The following DISP2 variants were observed in gnomAD, a reference collection of about 807,000 sequenced individuals.
DISP2 encodes dispatched RND transporter family member 2, also known as protein dispatched homolog 2.
In DISP2, 59 loss-of-function variants were observed where a neutral mutation model predicts 95.5. The observed-to-expected ratio is 0.62, with a 90% confidence interval of 0.50 to 0.77. DISP2 has a LOEUF of 0.77. Among genes scored for constraint, DISP2 ranks in the 30% least tolerant of loss-of-function variants. DISP2 has a pLI of 0.00. For synonymous variants in DISP2, 827 were observed against 815.0 expected (o/e 1.01, Z -0.25); for missense variants, 1,752 against 1,854.6 (o/e 0.94, Z 1.02).
Position 40,369,593 on chromosome 15 carries a change from G to T in DISP2, c.3481G>T (p.Glu1161Ter). The part of the protein sequence containing the change: ...SVGGMPGSCS[E>*]QYELQPLARR... ...GGGAGGGATGCCCGGGTCCTGCTCAGAGCAATATGAGCTACAGCCCCTGGC... is the reference window on the plus strand; with the variant it reads ...GGGAGGGATGCCCGGGTCCTGCTCATAGCAATATGAGCTACAGCCCCTGGC... Residue 1161 changes from glutamate (E) to a stop codon, truncating the protein, a stop_gained, in exon 8 of 8, where the codon GAG (glutamate) becomes TAG (stop). Transcript: ENST00000267889. LOFTEE classifies it high-confidence loss of function. 1 of 1,611,632 alleles carries T rather than the reference G, an allele frequency of 6.2e-7. No individual in the cohort carries two copies.
At position 40,369,178 on chromosome 15, in the gene DISP2, C is replaced by T. The variant is rs368572092; in HGVS notation, c.3066C>T (p.Leu1022=). The T allele has an allele frequency of 7.2e-5, 116 of 1,613,852 alleles. No individual in the cohort carries two copies. Among genetic ancestry groups the T allele is most frequent in the Non-Finnish European group, 9.1e-5 (107 of 1,180,046 alleles). The change falls in exon 8 of 8, where the codon CTC becomes CTT. Residue 1022 remains leucine, a synonymous_variant. Coordinates refer to ENST00000267889, the MANE Select transcript of DISP2 (RefSeq NM_033510.3). ...TCAACACTGCCGAGGCCCTGTTTCT[C>T]TCTGCCTCAGTGGGCCTCTCAGTAG... ...WQLNTAEALF[L]SASVGLSVDF...
At chr15:40,364,768 G>T (rs1889469123) in intron 4 of DISP2, 70 bp from the exon 5 acceptor site, 16 of 1,503,726 alleles carry the variant, frequency 1.1e-5, no homozygotes, top group Non-Finnish European at 1.3e-5. Flanking sequence ...CAAAGGGGCA[G>T]AGCTGAGAAG....
At chr15:40,364,618 G>A (rs1889466488) in intron 4 of DISP2, 74 bp downstream of exon 4, 7 of 1,574,592 alleles carry the variant, frequency 4.4e-6, no homozygotes, top group Non-Finnish European at 6.0e-6. Context: ...AAAGTTGGAG[G>A]TAGGGTAGCC....
intron 1 of DISP2, among the ~76,000 whole-genome samples, chr15:40,363,218 A>G (rs1413737042): frequency 6.6e-6 from 1 of 151,468 alleles, no homozygotes; most frequent in East Asian, 1.9e-4. Flanking sequence ...AGGCTGAGGC[A>G]GGAGAATGGC....
chr15:40,363,995 A>C (rs934791433), intron 2 of DISP2, 41 bp downstream of exon 2: 1 of 1,512,394 alleles, frequency 6.6e-7, no homozygotes, highest in African/African-American at 1.4e-5. Flanking sequence ...CCACTGGAAA[A>C]TGCGGTGGGG....
At chr15:40,359,928 T>G (rs1595723274) in intron 1 of DISP2, among the ~76,000 whole-genome samples, 1 of 152,382 alleles carries the variant, frequency 6.6e-6, no homozygotes, top group African/African-American at 2.4e-5. Flanking sequence ...TACCTTTTTA[T>G]TTTCCTAGTG....
intron 1 of DISP2, 58 bp from the exon 2 acceptor site, chr15:40,363,567 C>A: frequency 8.2e-7 from 1 of 1,221,184 alleles, no homozygotes; most frequent in Non-Finnish European, 1.1e-6. Flanking sequence ...AATGCTGGGG[C>A]ATGGGGTGGC....
intron 1 of DISP2, among the ~76,000 whole-genome samples, chr15:40,360,286 G>T (rs1889386941): frequency 6.6e-6 from 1 of 152,342 alleles, no homozygotes; most frequent in East Asian, 1.9e-4. Flanking sequence ...TAGCCCTGGG[G>T]TGCTTAACTC....
chr15:40,361,820 G>T (rs1889410573), intron 1 of DISP2, among the ~76,000 whole-genome samples: 3 of 152,254 alleles, frequency 2.0e-5, no homozygotes, highest in African/African-American at 7.2e-5. Context: ...AGCCAGGGTT[G>T]GCTCCGCATA....
rs749610626 is a variant in DISP2 at position 40,370,248 on chromosome 15, A to G, written c.4136A>G (p.Asn1379Ser). ...PGDGSPVVLP[N>S]SQPDLPDVWL... The stretch of plus-strand genomic sequence containing the variant: ...GATGGCAGCCCTGTGGTGCTGCCCA[A>G]TAGCCAGCCAGACCTGCCAGATGTT... Residue 1379 changes from asparagine to serine, a missense_variant, in exon 8 of 8, where the codon AAT becomes AGT. This residue lies in a region of DISP2 where 347 missense variants were observed against 344.2 expected (regional missense o/e 1.01). Transcript: ENST00000267889. The G allele has an allele frequency of 1.1e-5, 18 of 1,580,560 alleles. No homozygotes were observed. Among genetic ancestry groups the G allele is most frequent in the East Asian group, 4.5e-5 (2 of 44,612 alleles).
Position 40,369,142 on chromosome 15 carries a change from C to T in DISP2, c.3030C>T (p.Leu1010=). ...TCACTGTAGGACTCCTGGTTCTCCT[C>T]GAGTGGCAGCTCAACACTGCCGAGG... ...VLLTVGLLVL[L]EWQLNTAEAL... Residue 1010 remains leucine, a synonymous_variant, in exon 8 of 8, where the codon CTC becomes CTT. Transcript: ENST00000267889. 1.9e-6 allele frequency: 3 copies of T among 1,613,918 alleles called. No individual in the cohort carries two copies. Among genetic ancestry groups the T allele is most frequent in the Non-Finnish European group, 1.7e-6 (2 of 1,180,044 alleles).
chr15:40,368,316 C>T lies in DISP2; in HGVS notation c.2204C>T (p.Pro735Leu), dbSNP rs1358511109. 15 of 1,603,416 alleles carry T rather than the reference C, an allele frequency of 9.4e-6. No homozygotes were observed. In the East Asian group the frequency reaches 2.2e-4, roughly 24 times the overall value. Residue 735 changes from proline to leucine, a missense_variant, in exon 8 of 8, where the codon CCC (proline) becomes CTC (leucine). By Grantham distance (98) the Pro-to-Leu change is moderately conservative. Coordinates refer to ENST00000267889, the MANE Select transcript of DISP2 (RefSeq NM_033510.3). ...CTGCGGCTGCCCACGCTGCCGCCGC[C>T]CGGCGGCCAGGTCTTCCGGCCCAGC... ...PRLRLPTLPPPGGQVFRPSHP... is the reference protein window; with the variant it reads ...PRLRLPTLPPLGGQVFRPSHP...
In DISP2 at chr15:40,374,211, T is replaced by A. The variant is rs866840714; in HGVS notation, c.*3893T>A. The A allele has an allele frequency of 2.9e-5, 4 of 136,672 alleles. No individual in the cohort carries two copies. Among genetic ancestry groups the A allele is most frequent in the Admixed American group, 2.8e-4 (4 of 14,210 alleles). 8.5% of individuals were successfully genotyped at this position (136,672 alleles called of 1,614,324 possible). A position where few individuals can be genotyped will look rare whatever the true frequency, so the allele number is the denominator to read the frequency against. Reference sequence around the variant, plus strand: ...GGGCAATATTCCAGCTTGAGACAATTTTTTTTTTTTTTTTTTGAGACAGAG... The same window carrying A: ...GGGCAATATTCCAGCTTGAGACAATATTTTTTTTTTTTTTTTGAGACAGAG... On this transcript the variant is annotated 3_prime_UTR_variant, in exon 8 of 8. Transcript: ENST00000267889.
chr15:40,369,633 C>T lies in DISP2; in HGVS notation c.3521C>T (p.Pro1174Leu). The part of the protein sequence containing the change: ...ELQPLARRRS[P>L]SFDTSTATSK... ...CAGCCCCTGGCACGGCGTCGGAGCC[C>T]CAGCTTTGACACCAGCACAGCCACC... Residue 1174 changes from proline (P) to leucine (L), a missense_variant, in exon 8 of 8, where the codon CCC becomes CTC. Around this residue, in one of 5 missense-constraint regions of DISP2, gnomAD observed 347 missense variants for 344.2 expected, o/e 1.01. Coordinates refer to ENST00000267889, the MANE Select transcript of DISP2 (RefSeq NM_033510.3). The T allele has an allele frequency of 6.2e-7, 1 of 1,611,750 alleles. No individual in the cohort carries two copies. Among genetic ancestry groups the T allele is most frequent in the Non-Finnish European group, 8.5e-7 (1 of 1,179,986 alleles).
chr15:40,375,920 C>T lies in DISP2; in HGVS notation c.*5602C>T, dbSNP rs1013806726. 6.6e-6 allele frequency: 1 copy of T among 152,318 alleles called. No individual in the cohort carries two copies. Among genetic ancestry groups the T allele is most frequent in the Admixed American group, 6.5e-5 (1 of 15,272 alleles). 9.4% of individuals were successfully genotyped at this position (152,318 alleles called of 1,614,324 possible). A position where few individuals can be genotyped will look rare whatever the true frequency, so the allele number is the denominator to read the frequency against. On this transcript the variant is annotated 3_prime_UTR_variant, in exon 8 of 8. Transcript: ENST00000267889. Reference sequence around the variant, plus strand: ...CCACTTTCCCAGTTGCCTCCCCTCCCTCATTCTGAATCCTACTCTGGCTCC... The same window carrying T: ...CCACTTTCCCAGTTGCCTCCCCTCCTTCATTCTGAATCCTACTCTGGCTCC...
In DISP2 at chr15:40,377,310, T is replaced by A. The variant is rs1889743748; in HGVS notation, c.*6992T>A. 7.6e-6 allele frequency: 1 copy of A among 131,668 alleles called. No homozygotes were observed. Among genetic ancestry groups the A allele is most frequent in the Admixed American group, 7.6e-5 (1 of 13,178 alleles). The allele number at this position is 131,668 out of a possible 1,614,324, so 8.2% of individuals were successfully genotyped here. ...CTGCACTCCATCCTGGGCAACAGAGTCTCAAAAAAAAAAAAAAAAATTTTT... is the reference window on the plus strand; with the variant it reads ...CTGCACTCCATCCTGGGCAACAGAGACTCAAAAAAAAAAAAAAAAATTTTT... On this transcript the variant is annotated 3_prime_UTR_variant, in exon 8 of 8. Transcript: ENST00000267889.
chr15:40,364,574 C>G, intron 4 of DISP2, 30 bp downstream of exon 4: 1 of 1,605,340 alleles, frequency 6.2e-7, no homozygotes, highest in Non-Finnish European at 8.5e-7. Context: ...GACGGGGTCC[C>G]CAGGCCTGGC....
chr15:40,367,926 A>G lies in DISP2; in HGVS notation c.1814A>G (p.Tyr605Cys). The change falls in exon 8 of 8, where the codon TAT becomes TGT. Residue 605 changes from tyrosine to cysteine, a missense_variant. This residue lies in a region of DISP2 where 732 missense variants were observed against 714.6 expected (regional missense o/e 1.02). Transcript: ENST00000267889. ...VSGLTTSAAFYASYLSRLPAV... is the reference protein window; with the variant it reads ...VSGLTTSAAFCASYLSRLPAV... Reference sequence around the variant, plus strand: ...GGCCTCACCACGAGCGCGGCCTTCTATGCCAGCTACCTGAGCCGCCTGCCG... The same window carrying G: ...GGCCTCACCACGAGCGCGGCCTTCTGTGCCAGCTACCTGAGCCGCCTGCCG... 1.3e-6 allele frequency: 2 copies of G among 1,594,460 alleles called. No individual in the cohort carries two copies. Among genetic ancestry groups the G allele is most frequent in the African/African-American group, 1.3e-5 (1 of 74,874 alleles).
rs1889757714 is a variant in DISP2, at chr15:40,378,307, G to A, written c.*7989G>A. 6.6e-6 allele frequency: 1 copy of A among 152,178 alleles called. No homozygotes were observed. Among genetic ancestry groups the A allele is most frequent in the Non-Finnish European group, 1.5e-5 (1 of 68,032 alleles). The allele number at this position is 152,178 out of a possible 1,614,324, so 9.4% of individuals were successfully genotyped here. A position where few individuals can be genotyped will look rare whatever the true frequency, so the allele number is the denominator to read the frequency against. ...GAATTTTAGAGACGAAAACTAAAAT[G>A]TCTGAGATGATGGGGTGGGTGGGGT... On this transcript the variant is annotated 3_prime_UTR_variant, in exon 8 of 8. Coordinates refer to ENST00000267889, the MANE Select transcript of DISP2 (RefSeq NM_033510.3).
Sources: gnomAD v4.1 joint callset for allele counts (sites outside exome capture counted in the v4.1 genomes callset) on GRCh38, gnomAD v4.1.1 for gene constraint, gnomAD v4.1.1 regional missense constraint, MANE v1.5 for transcripts, NCBI Gene and HGNC (gene_info 2026-07-23, HGNC 2026-07-21) for gene names.